The following DPP8 variants were observed in gnomAD, a reference collection of about 807,000 sequenced individuals.
DPP8 encodes dipeptidyl peptidase 8.
A neutral mutation model predicts 107.5 loss-of-function variants in DPP8; 31 were observed. That is an observed-to-expected ratio of 0.29 (90% CI 0.22 to 0.39). The LOEUF is 0.39. Among genes scored for constraint, DPP8 ranks in the 10% least tolerant of loss-of-function variants. DPP8 has a pLI of 1.00. For synonymous variants in DPP8, 381 were observed against 356.6 expected (o/e 1.07, Z -0.77); for missense variants, 842 against 1,076.1 (o/e 0.78, Z 3.04).
intron 12 of DPP8, among the ~76,000 whole-genome samples, chr15:65,468,494 C>CAAA (rs10714153): frequency 7.0e-6 from 1 of 143,190 alleles, no homozygotes; most frequent in Non-Finnish European, 1.5e-5. Context: ...ACCCTTATCT[C>CAAA]AAAAAAAAAA....
At chr15:65,512,892 C>T (rs770107551) in intron 1 of DPP8, 3 of 268,770 alleles carry the variant, frequency 1.1e-5, no homozygotes, top group Non-Finnish European at 2.1e-5. Flanking sequence ...GGCCATTTGC[C>T]AGTTGGCTGC....
intron 3 of DPP8, among the ~76,000 whole-genome samples, chr15:65,505,270 G>T (rs535074459): frequency 6.6e-6 from 1 of 152,026 alleles, no homozygotes; most frequent in South Asian, 2.1e-4. Flanking sequence ...CAGGAGAATG[G>T]TGTGAACCCG....
intron 3 of DPP8, among the ~76,000 whole-genome samples, chr15:65,503,861 G>C (rs1334956343): frequency 6.6e-6 from 1 of 151,948 alleles, no homozygotes; most frequent in Non-Finnish European, 1.5e-5. Context: ...CTGACTTCAA[G>C]TGATCCACCC....
At chr15:65,457,738 GT>G (rs997442945) in intron 15 of DPP8, among the ~76,000 whole-genome samples, 2 of 152,208 alleles carry the variant, frequency 1.3e-5, no homozygotes, top group South Asian at 4.1e-4. Context: ...GGAGAATAAT[GT>G]TTTTTTCCCA....
In DPP8 at chr15:65,485,137, A is replaced by G. The variant is rs2067282309; in HGVS notation, c.979T>C (p.Phe327Leu). Residue 327 changes from phenylalanine (F) to leucine (L), a missense_variant, in exon 8 of 20, where the codon TTT (phenylalanine) becomes CTT (leucine). By Grantham distance (22) the Phe-to-Leu change is conservative (BLOSUM62 0). Around this residue, in one of 2 missense-constraint regions of DPP8, gnomAD observed 663 missense variants for 758.0 expected, o/e 0.87. Coordinates refer to ENST00000300141, the MANE Select transcript of DPP8 (RefSeq NM_130434.5). ...TCAATCATTATTTCTGACATCTTAAAAGTGACTTTAGGATTTGCTGTACCT... is the reference window on the plus strand; with the variant it reads ...TCAATCATTATTTCTGACATCTTAAGAGTGACTTTAGGATTTGCTGTACCT... ...KTGTANPKVT[F>L]KMSEIMIDAE... is the part of the protein sequence containing the mutation. 1.9e-6 allele frequency: 3 copies of G among 1,609,792 alleles called. No individual in the cohort carries two copies.
chr15:65,480,527 A>G (rs2066826539), intron 9 of DPP8, 128 bp from the exon 10 acceptor site: 1 of 543,752 alleles, frequency 1.8e-6, no homozygotes, highest in Non-Finnish European at 3.1e-6. Context: ...TTTAGTGTAT[A>G]TTAAATTATC....
At chr15:65,499,135 T>G (rs1462576998) in intron 4 of DPP8, among the ~76,000 whole-genome samples, 1 of 146,948 alleles carries the variant, frequency 6.8e-6, no homozygotes, top group Non-Finnish European at 1.5e-5. Context: ...ATGAATTAGC[T>G]TTCAAGGGAA....
intron 7 of DPP8, among the ~76,000 whole-genome samples, chr15:65,485,544 C>CAAAAAAA (rs56940292): frequency 8.2e-5 from 5 of 61,240 alleles, no homozygotes; most frequent in African/African-American, 1.1e-4. Context: ...GACTCCATCT[C>CAAAAAAA]AAAAAAAAAA....
chr15:65,488,796 C>CTTTA (rs986412925), intron 6 of DPP8, among the ~76,000 whole-genome samples: 4 of 152,040 alleles, frequency 2.6e-5, no homozygotes, highest in Non-Finnish European at 4.4e-5. Context: ...GAAGGCCATG[C>CTTTA]TTTAGTGAGC....
intron 12 of DPP8, among the ~76,000 whole-genome samples, chr15:65,472,030 T>G (rs1310285011): frequency 6.6e-6 from 1 of 152,188 alleles, no homozygotes. Flanking sequence ...CTCATGAATG[T>G]GATCATCCAA....
chr15:65,497,469 A>G lies in DPP8; in HGVS notation c.715+395T>C, dbSNP rs1250679932. Among the ~76,000 whole-genome samples, 3 of 151,568 alleles carry G rather than the reference A, an allele frequency of 2.0e-5. No individual in the cohort carries two copies. The East Asian group carries it at 5.9e-4, about 30-fold the overall frequency. On this transcript the variant is annotated intron_variant, in intron 5 of 19. Transcript: ENST00000300141. ...AGGTGTCACCATGTTGCCCATCCTG[A>G]TCTTGAACTTCTGGGCTCAAACAAT...
At chr15:65,500,869 G>GAC in intron 3 of DPP8, 90 bp from the exon 4 acceptor site, 2 of 566,400 alleles carry the variant, frequency 3.5e-6, no homozygotes, top group Non-Finnish European at 5.7e-6. Flanking sequence ...CAACATTATT[G>GAC]ACTCTTTTTT....
intron 3 of DPP8, among the ~76,000 whole-genome samples, chr15:65,501,245 T>C (rs1224454910): frequency 1.3e-5 from 2 of 152,090 alleles, no homozygotes; most frequent in East Asian, 3.9e-4. Flanking sequence ...ACCCCAAAAT[T>C]TGCTGGCAAC....
chr15:65,476,987 T>A (rs889182732), intron 11 of DPP8, among the ~76,000 whole-genome samples: 1 of 151,324 alleles, frequency 6.6e-6, no homozygotes, highest in African/African-American at 2.4e-5. Context: ...ACATCTAGAG[T>A]AGTTACATTC....
At chr15:65,504,304 G>A (rs149588993) in intron 3 of DPP8, among the ~76,000 whole-genome samples, 2,306 of 148,458 alleles carry the variant, frequency 0.016, 63 homozygotes, top group African/African-American at 0.054. Context: ...CAGAGGTTGC[G>A]GTGAGCTGAG....
At position 65,480,220 on chromosome 15, in the gene DPP8, A is replaced by G; in HGVS notation, c.1296+2T>C. 1 of 1,600,540 alleles carries G rather than the reference A, an allele frequency of 6.2e-7. No homozygotes were observed. Among genetic ancestry groups the G allele is most frequent in the Non-Finnish European group, 8.5e-7 (1 of 1,172,978 alleles). ...TAAACAAATACAGGAAAAAATGCAT[A>G]CATTTATCCAGATGTCTGTTGTTTC... is the stretch of plus-strand genomic sequence containing the variant. On this transcript the variant is annotated splice_donor_variant, in intron 10 of 19. Coordinates refer to ENST00000300141, the MANE Select transcript of DPP8 (RefSeq NM_130434.5). LOFTEE classifies it high-confidence loss of function.
At chr15:65,467,894 T>C (rs2065498818) in intron 12 of DPP8, among the ~76,000 whole-genome samples, 2 of 152,226 alleles carry the variant, frequency 1.3e-5, no homozygotes, top group African/African-American at 4.8e-5. Flanking sequence ...AATTTTACTA[T>C]CTTGTATATT....
At chr15:65,506,262 G>A (rs1025910311) in intron 3 of DPP8, among the ~76,000 whole-genome samples, 12 of 151,996 alleles carry the variant, frequency 7.9e-5, no homozygotes, top group Non-Finnish European at 1.2e-4. Context: ...CCGGGAGGCG[G>A]AGGTTGTAGT....
chr15:65,481,487 TA>T (rs763601150), intron 9 of DPP8, 27 bp downstream of exon 9: 1 of 1,420,998 alleles, frequency 7.0e-7, no homozygotes, highest in Admixed American at 2.0e-5. Flanking sequence ...AAATTAGTTA[TA>T]AAGAAGTAAC....
Sources: allele counts gnomAD v4.1 joint callset (sites outside exome capture counted in the v4.1 genomes callset), GRCh38; gene constraint gnomAD v4.1.1; regional missense constraint gnomAD v4.1.1; transcripts MANE v1.5; gene names NCBI Gene and HGNC (gene_info 2026-07-23, HGNC 2026-07-21).